AFF1: variants seen among roughly 807,000 people sequenced by gnomAD.
AFF1 encodes the protein ALF transcription elongation factor 1, also known as AF4/FMR2 family member 1.
Under a neutral mutation model 121.7 loss-of-function variants are expected in AFF1, and 48 were observed. The ratio of observed to expected loss-of-function variants is 0.39; its 90% CI spans 0.31 to 0.50. The LOEUF (loss-of-function observed/expected upper bound fraction) is 0.50, where lower values mean the gene tolerates loss of function less well. AFF1 is among the 20% of genes least tolerant of loss of function. The pLI is 0.76. For synonymous variants in AFF1, 613 were observed against 563.0 expected (o/e 1.09, Z -1.26); for missense variants, 1,523 against 1,511.7 (o/e 1.01, Z -0.12).
intron 2 of AFF1, among the ~76,000 whole-genome samples, chr4:86,981,813 G>A (rs892499195): frequency 6.6e-6 from 1 of 152,180 alleles, no homozygotes; most frequent in African/African-American, 2.4e-5. Context: ...AATAACAGAC[G>A]TGCATCACGA....
intron 2 of AFF1, among the ~76,000 whole-genome samples, chr4:86,963,570 T>C (rs1319725101): frequency 1.3e-5 from 2 of 152,226 alleles, no homozygotes; most frequent in African/African-American, 4.8e-5. Context: ...AGCTTATTCC[T>C]AGTCCAGTAT....
chr4:86,985,214 T>TATATATATAC (rs1277485096), intron 2 of AFF1, among the ~76,000 whole-genome samples: 1 of 104,560 alleles, frequency 9.6e-6, no homozygotes, highest in Admixed American at 9.8e-5. Flanking sequence ...TATATATATA[T>TATATATATAC]AAAATTATAT....
intron 2 of AFF1, among the ~76,000 whole-genome samples, chr4:87,018,178 C>T (rs33983129): frequency 0.14 from 21,259 of 152,256 alleles, 1,898 homozygotes; most frequent in Middle Eastern, 0.23. Context: ...GTATTGAGTA[C>T]TTCATTGTTC....
chr4:86,943,707 C>A (rs1720632989), intron 1 of AFF1, among the ~76,000 whole-genome samples: 1 of 151,980 alleles, frequency 6.6e-6, no homozygotes, highest in Admixed American at 6.6e-5. Context: ...TTCCTGTAAT[C>A]CCAGCACTTT....
At chr4:87,111,012 A>ATTTTTTTATTTTTTT (rs1726457420) in intron 11 of AFF1, among the ~76,000 whole-genome samples, 1 of 29,278 alleles carries the variant, frequency 3.4e-5, no homozygotes, top group African/African-American at 8.9e-5. Flanking sequence ...TTTTTTTTTT[A>ATTTTTTTATTTTTTT]TTTTTTTTTT....
chr4:87,032,043 A>G (rs191705939), intron 2 of AFF1, among the ~76,000 whole-genome samples: 8 of 152,356 alleles, frequency 5.3e-5, no homozygotes, highest in Admixed American at 4.6e-4. Flanking sequence ...TAGCTGAGCC[A>G]AAATCCAGCC....
At position 86,948,545 on chromosome 4, in the gene AFF1, A is replaced by G. The variant is rs888472599; in HGVS notation, c.12A>G (p.Thr4=). MAF[T]ERVNSSGNSL... ...ATTGACTGGAAACAATGGCATTTAC[A>G]GAAAGAGTCAACAGCAGTGGCAACA... The change falls in exon 2 of 21, where the codon ACA becomes ACG. Residue 4 remains threonine (T), a synonymous_variant. Coordinates refer to ENST00000395146, the MANE Select transcript of AFF1 (RefSeq NM_001166693.3). The G allele has an allele frequency of 3.3e-6, 5 of 1,536,904 alleles. No individual in the cohort carries two copies. Among genetic ancestry groups the G allele is most frequent in the African/African-American group, 1.4e-5 (1 of 73,054 alleles).
chr4:87,094,507 G>A (rs1330693529), intron 7 of AFF1, among the ~76,000 whole-genome samples: 1 of 152,166 alleles, frequency 6.6e-6, no homozygotes, highest in Non-Finnish European at 1.5e-5. Flanking sequence ...GGGATGGAGA[G>A]CACCTAGGAC....
At chr4:87,018,077 A>T (rs900205829) in intron 2 of AFF1, among the ~76,000 whole-genome samples, 1 of 152,224 alleles carries the variant, frequency 6.6e-6, no homozygotes. Flanking sequence ...CTGCATATTA[A>T]TTTACCTGCG....
intron 1 of AFF1, among the ~76,000 whole-genome samples, chr4:86,942,714 A>G (rs916074128): frequency 6.6e-6 from 1 of 152,242 alleles, no homozygotes. Flanking sequence ...CAAATATGTC[A>G]GGCAAAGCCA....
At chr4:86,996,074 G>A (rs1488564412) in intron 2 of AFF1, among the ~76,000 whole-genome samples, 1 of 151,754 alleles carries the variant, frequency 6.6e-6, no homozygotes, top group Non-Finnish European at 1.5e-5. Flanking sequence ...GTCTCTGCCC[G>A]GCAGCCACCT....
At chr4:87,001,145 G>T (rs1456218529) in intron 2 of AFF1, among the ~76,000 whole-genome samples, 2 of 150,238 alleles carry the variant, frequency 1.3e-5, no homozygotes, top group Non-Finnish European at 3.0e-5. Context: ...TATTACACCT[G>T]GAGTAATGCA....
intron 1 of AFF1, among the ~76,000 whole-genome samples, chr4:86,942,104 TTG>T (rs972906209): frequency 2.6e-5 from 4 of 152,182 alleles, no homozygotes; most frequent in African/African-American, 9.7e-5. Flanking sequence ...AAGGAAGAGA[TTG>T]TGTTCTCAGT....
At chr4:86,958,828 C>T (rs917614880) in intron 2 of AFF1, among the ~76,000 whole-genome samples, 6 of 152,184 alleles carry the variant, frequency 3.9e-5, no homozygotes, top group Admixed American at 1.3e-4. Context: ...TAATCCAGAG[C>T]AGCATTTACT....
chr4:86,958,077 T>C (rs1721872885), intron 2 of AFF1, among the ~76,000 whole-genome samples: 2 of 103,398 alleles, frequency 1.9e-5, no homozygotes, highest in Admixed American at 2.0e-4. Context: ...CTCTGAACTT[T>C]TTCTTTTTTT....
Position 87,135,772 on chromosome 4 carries a change from C to G in AFF1, c.*71C>G. On this transcript the variant is annotated 3_prime_UTR_variant, in exon 21 of 21. Coordinates refer to ENST00000395146, the MANE Select transcript of AFF1 (RefSeq NM_001166693.3). Reference sequence around the variant, plus strand: ...TTGGAAGCCTCAAAAACAGTCCAGACATTTGTTTCATCAGGACACCAAACT... The same window carrying G: ...TTGGAAGCCTCAAAAACAGTCCAGAGATTTGTTTCATCAGGACACCAAACT... 6.6e-7 allele frequency: 1 copy of G among 1,524,986 alleles called. No homozygotes were observed. The highest frequency in any genetic ancestry group is 2.3e-5 in the East Asian group (1 of 43,244). 94.5% of individuals were successfully genotyped at this position (1,524,986 alleles called of 1,614,324 possible).
intron 2 of AFF1, among the ~76,000 whole-genome samples, chr4:86,973,342 A>C (rs114694231): frequency 0.017 from 2,552 of 152,246 alleles, 81 homozygotes; most frequent in African/African-American, 0.058. Flanking sequence ...AGGGGGCAGG[A>C]TGAGGGTGAG....
At chr4:87,103,643 G>A (rs1461570689) in intron 8 of AFF1, among the ~76,000 whole-genome samples, 1 of 152,184 alleles carries the variant, frequency 6.6e-6, no homozygotes, top group Non-Finnish European at 1.5e-5. Context: ...CATGGTGCCT[G>A]TTTATCCTGA....
At chr4:86,997,047 G>A (rs1380335052) in intron 2 of AFF1, among the ~76,000 whole-genome samples, 1 of 152,186 alleles carries the variant, frequency 6.6e-6, no homozygotes, top group Non-Finnish European at 1.5e-5. Context: ...AAGTAGCTGG[G>A]ATTACAGGTG....
Sources: allele counts gnomAD v4.1 joint callset (sites outside exome capture counted in the v4.1 genomes callset), GRCh38; gene constraint gnomAD v4.1.1; transcripts MANE v1.5; gene names NCBI Gene and HGNC (gene_info 2026-07-23, HGNC 2026-07-21).